SORT1: variants seen among roughly 807,000 people sequenced by gnomAD.
The protein encoded by SORT1 is sortilin 1, also known as sortilin.
In SORT1, 39 loss-of-function variants were observed where a neutral mutation model predicts 101.7. The observed-to-expected ratio is 0.38, with a 90% CI of 0.30 to 0.50. SORT1 has a LOEUF of 0.50. SORT1 is among the 20% of genes least tolerant of loss of function. The pLI, the probability that SORT1 is intolerant of heterozygous loss-of-function variation, is 0.90. For synonymous variants in SORT1, 396 were observed against 393.7 expected (o/e 1.01, Z -0.07); for missense variants, 878 against 1,040.4 (o/e 0.84, Z 2.15).
chr1:109,383,742 G>A (rs1322676463), intron 1 of SORT1, among the ~76,000 whole-genome samples: 1 of 152,144 alleles, frequency 6.6e-6, no homozygotes, highest in Non-Finnish European at 1.5e-5. Flanking sequence ...GGCACTGCTA[G>A]AATCATAAAA....
At chr1:109,382,811 T>C (rs1277836272) in intron 1 of SORT1, among the ~76,000 whole-genome samples, 1 of 152,082 alleles carries the variant, frequency 6.6e-6, no homozygotes, top group African/African-American at 2.4e-5. Context: ...TGTACTACCT[T>C]CTCTAAAATG....
chr1:109,368,293 C>CAAAAA (rs35637507), intron 2 of SORT1, among the ~76,000 whole-genome samples: 1 of 59,434 alleles, frequency 1.7e-5, no homozygotes, highest in Admixed American at 1.8e-4. Flanking sequence ...GACTCTGTCT[C>CAAAAA]AAAAAAAAAA....
intron 1 of SORT1, among the ~76,000 whole-genome samples, chr1:109,376,896 CA>C (rs1209044786): frequency 9.2e-5 from 14 of 152,168 alleles, no homozygotes; most frequent in African/African-American, 3.1e-4. Context: ...ATGCAACTTT[CA>C]AAAAGGAAAA....
At chr1:109,322,689 C>A (rs2101540491) in intron 15 of SORT1, among the ~76,000 whole-genome samples, 1 of 152,242 alleles carries the variant, frequency 6.6e-6, no homozygotes, top group African/African-American at 2.4e-5. Flanking sequence ...GCCACCATGC[C>A]CTGCTAATTT....
At chr1:109,338,867 C>G (rs886322013) in intron 10 of SORT1, among the ~76,000 whole-genome samples, 2 of 151,974 alleles carry the variant, frequency 1.3e-5, no homozygotes, top group African/African-American at 4.8e-5. Flanking sequence ...GCCAAACCCT[C>G]CTGTGACTCT....
At chr1:109,381,318 T>C (rs931292535) in intron 1 of SORT1, among the ~76,000 whole-genome samples, 13 of 152,172 alleles carry the variant, frequency 8.5e-5, no homozygotes, top group African/African-American at 3.1e-4. Context: ...CCATGAGATA[T>C]TACTATACCT....
intron 6 of SORT1, among the ~76,000 whole-genome samples, chr1:109,348,645 T>C (rs557963703): frequency 3.3e-5 from 5 of 152,142 alleles, no homozygotes; most frequent in African/African-American, 4.8e-5. Flanking sequence ...TGCACCACCA[T>C]GCTTGGCTTT....
At position 109,354,437 on chromosome 1, in the gene SORT1, G is replaced by A. The variant is rs1453219101; in HGVS notation, c.638C>T (p.Pro213Leu). 4.3e-6 allele frequency: 7 copies of A among 1,613,234 alleles called. No individual in the cohort carries two copies. Among genetic ancestry groups the A allele is most frequent in the Admixed American group, 1.7e-5 (1 of 60,006 alleles). ...FAKNFVQTDL[P>L]FHPLTQMMYS... ...CATCATCTGAGTGAGAGGATGAAAAGGGAGATCTGTTTGCACAAAATTCTT... is the reference window on the plus strand; with the variant it reads ...CATCATCTGAGTGAGAGGATGAAAAAGGAGATCTGTTTGCACAAAATTCTT... Residue 213 changes from proline to leucine, a missense_variant, in exon 5 of 20, where the codon CCT (proline) becomes CTT (leucine). By Grantham distance (98) the Pro-to-Leu change is moderately conservative. Transcript: ENST00000256637.
chr1:109,391,401 T>C (rs1652908903), intron 1 of SORT1, among the ~76,000 whole-genome samples: 1 of 152,184 alleles, frequency 6.6e-6, no homozygotes, highest in Non-Finnish European at 1.5e-5. Context: ...CTCTGGCCTC[T>C]CCCATATGAA....
At chr1:109,393,869 A>G (rs951267267) in intron 1 of SORT1, among the ~76,000 whole-genome samples, 1 of 151,634 alleles carries the variant, frequency 6.6e-6, no homozygotes, top group Non-Finnish European at 1.5e-5. Flanking sequence ...ATACAAATAT[A>G]TATTTATACA....
At chr1:109,396,668 C>T (rs1653194012) in intron 1 of SORT1, among the ~76,000 whole-genome samples, 2 of 152,178 alleles carry the variant, frequency 1.3e-5, no homozygotes, top group African/African-American at 4.8e-5. Context: ...AGAGCCTTGG[C>T]CACCCATCTC....
intron 13 of SORT1, among the ~76,000 whole-genome samples, chr1:109,325,989 A>T (rs1403813708): frequency 6.6e-6 from 1 of 152,018 alleles, no homozygotes; most frequent in Admixed American, 6.6e-5. Flanking sequence ...TGACAAGAGC[A>T]AAACTCCATC....
chr1:109,395,604 A>C (rs887298890), intron 1 of SORT1, among the ~76,000 whole-genome samples: 2 of 152,208 alleles, frequency 1.3e-5, no homozygotes, highest in African/African-American at 2.4e-5. Flanking sequence ...AGCTAAATGA[A>C]AGAAATAGAA....
At chr1:109,323,263 C>A in intron 14 of SORT1, 142 bp from the exon 15 acceptor site, 1 of 596,026 alleles carries the variant, frequency 1.7e-6, no homozygotes. Context: ...GAATTGCAAA[C>A]AAAAAGTTAC....
chr1:109,348,131 C>T (rs1402016024), intron 6 of SORT1, among the ~76,000 whole-genome samples: 1 of 152,136 alleles, frequency 6.6e-6, no homozygotes, highest in East Asian at 1.9e-4. Context: ...TAGTTCAATG[C>T]TTTGTATGAG....
intron 15 of SORT1, among the ~76,000 whole-genome samples, chr1:109,318,925 G>A (rs1046972546): frequency 4.6e-5 from 7 of 152,114 alleles, no homozygotes; most frequent in African/African-American, 9.7e-5. Context: ...CATTACAGGC[G>A]TGAACCACTG....
intron 1 of SORT1, among the ~76,000 whole-genome samples, chr1:109,384,951 A>C (rs1354600221): frequency 1.3e-5 from 2 of 152,044 alleles, no homozygotes; most frequent in Non-Finnish European, 2.9e-5. Context: ...GGTGGCGTAC[A>C]CCTGTAATCC....
At chr1:109,339,641 G>A (rs958192448) in intron 10 of SORT1, among the ~76,000 whole-genome samples, 6 of 152,222 alleles carry the variant, frequency 3.9e-5, no homozygotes, top group Admixed American at 2.6e-4. Flanking sequence ...TGTATTGCAT[G>A]TAAAATGGTA....
intron 11 of SORT1, among the ~76,000 whole-genome samples, chr1:109,328,091 G>A (rs1648205925): frequency 6.6e-6 from 1 of 152,120 alleles, no homozygotes; most frequent in East Asian, 1.9e-4. Flanking sequence ...TTAAGTGTGT[G>A]TGTGTATCTG....
Sources: gnomAD v4.1 joint callset for allele counts (sites outside exome capture counted in the v4.1 genomes callset) on GRCh38, gnomAD v4.1.1 for gene constraint, MANE v1.5 for transcripts, NCBI Gene and HGNC (gene_info 2026-07-23, HGNC 2026-07-21) for gene names.